SHISA9: variants seen among roughly 807,000 people sequenced by gnomAD.
SHISA9 encodes the protein protein shisa-9.
SHISA9 carries 13 observed loss-of-function variants against 38.0 expected under a neutral mutation model. That is an observed-to-expected ratio of 0.34 (90% CI 0.22 to 0.54). SHISA9 has a LOEUF of 0.54. Ranked by LOEUF, SHISA9 falls within the 20% of genes least tolerant of loss-of-function variation. The pLI, the probability that SHISA9 is intolerant of heterozygous loss-of-function variation, is 0.91. For missense variants in SHISA9, 538 were observed against 575.8 expected, an observed-to-expected ratio of 0.93 and a Z score of 0.67; for synonymous variants, 275 against 242.0, an observed-to-expected ratio of 1.14 and a Z score of -1.27.
At chr16:13,443,140 T>G in the SHISA9 span, among the ~76,000 whole-genome samples, 1 of 152,196 alleles carries the variant, frequency 6.6e-6, no homozygotes, top group Non-Finnish European at 1.5e-5. Flanking sequence ...GAAAGTTCAC[T>G]GGACAAAAGT....
chr16:13,462,313 G>A, the SHISA9 span, among the ~76,000 whole-genome samples: 2 of 152,030 alleles, frequency 1.3e-5, no homozygotes, highest in East Asian at 1.9e-4. Flanking sequence ...TCAGGTTGGA[G>A]AAGGAAGAAA....
At chr16:13,099,616 G>C (rs558873558) in intron 2 of SHISA9, among the ~76,000 whole-genome samples, 1 of 152,270 alleles carries the variant, frequency 6.6e-6, no homozygotes, top group Admixed American at 6.5e-5. Flanking sequence ...TGAGGCAGGA[G>C]TGTGCTCTGT....
At chr16:13,202,679 A>G (rs141771077) in intron 2 of SHISA9, among the ~76,000 whole-genome samples, 59 of 152,270 alleles carry the variant, frequency 3.9e-4, no homozygotes, top group Admixed American at 1.0e-3. Flanking sequence ...TATGTACATC[A>G]TATGTATTAT....
chr16:13,122,053 C>T (rs1029592812), intron 2 of SHISA9, among the ~76,000 whole-genome samples: 1 of 152,170 alleles, frequency 6.6e-6, no homozygotes, highest in African/African-American at 2.4e-5. Context: ...TGTCAGATGT[C>T]ATATTTTTAG....
the SHISA9 span, among the ~76,000 whole-genome samples, chr16:13,268,283 G>A: frequency 6.6e-6 from 1 of 152,160 alleles, no homozygotes; most frequent in Non-Finnish European, 1.5e-5. Context: ...GCCAAGGCGA[G>A]TATATCACTG....
chr16:13,021,164 A>T (rs1187637963), intron 2 of SHISA9, among the ~76,000 whole-genome samples: 2 of 152,152 alleles, frequency 1.3e-5, no homozygotes. Context: ...TCAACCAGGG[A>T]CAATTTTGCC....
intron 2 of SHISA9, among the ~76,000 whole-genome samples, chr16:12,949,112 C>A (rs1033318381): frequency 6.6e-6 from 1 of 152,086 alleles, no homozygotes. Context: ...ATATTTGTAC[C>A]CTTCTCTCCC....
intron 2 of SHISA9, among the ~76,000 whole-genome samples, chr16:12,953,075 C>G (rs890312790): frequency 1.3e-5 from 2 of 150,856 alleles, no homozygotes; most frequent in East Asian, 1.9e-4. Context: ...TAAAGAAGGA[C>G]AAAGGAATAG....
At chr16:13,145,724 G>A (rs566626446) in intron 2 of SHISA9, among the ~76,000 whole-genome samples, 1 of 152,336 alleles carries the variant, frequency 6.6e-6, no homozygotes, top group African/African-American at 2.4e-5. Context: ...GATGGTTGGA[G>A]AGATTAATTG....
chr16:13,012,469 G>A (rs1376205485), intron 2 of SHISA9, among the ~76,000 whole-genome samples: 1 of 152,168 alleles, frequency 6.6e-6, no homozygotes, highest in Admixed American at 6.5e-5. Context: ...CACCCAATGT[G>A]GCCATAGCAC....
chr16:13,245,876 A>G, the SHISA9 span, among the ~76,000 whole-genome samples: 1 of 152,196 alleles, frequency 6.6e-6, no homozygotes, highest in African/African-American at 2.4e-5. Context: ...TCCAAGGTTC[A>G]GGAAGCTCTT....
intron 4 of SHISA9, among the ~76,000 whole-genome samples, chr16:13,233,309 A>AGAAGGAAG (rs34532600): frequency 1.3e-4 from 20 of 151,564 alleles, no homozygotes; most frequent in South Asian, 4.2e-4. Flanking sequence ...AGAGAGAGGA[A>AGAAGGAAG]GAAGGAAGGA....
chr16:13,000,368 AAAC>A, intron 2 of SHISA9, among the ~76,000 whole-genome samples: 1 of 152,306 alleles, frequency 6.6e-6, no homozygotes, highest in South Asian at 2.1e-4. Flanking sequence ...AGGGGAGACT[AAAC>A]AACGACGTGG....
At chr16:13,384,668 G>C in the SHISA9 span, among the ~76,000 whole-genome samples, 4 of 152,178 alleles carry the variant, frequency 2.6e-5, no homozygotes, top group Non-Finnish European at 5.9e-5. Flanking sequence ...TCTGGCAAGA[G>C]CGTTTTCTTC....
At chr16:13,493,821 A>G in the SHISA9 span, among the ~76,000 whole-genome samples, 1 of 152,222 alleles carries the variant, frequency 6.6e-6, no homozygotes, top group Non-Finnish European at 1.5e-5. Flanking sequence ...GAAGGGAAGA[A>G]GACACAGAAG....
the SHISA9 span, among the ~76,000 whole-genome samples, chr16:13,345,787 G>A: frequency 6.6e-6 from 1 of 152,024 alleles, no homozygotes; most frequent in Admixed American, 6.6e-5. Context: ...TTTAATAATA[G>A]CCATTCTGAC....
chr16:13,539,359 A>ATATAT, the SHISA9 span, among the ~76,000 whole-genome samples: 1 of 80,624 alleles, frequency 1.2e-5, no homozygotes, highest in Non-Finnish European at 2.7e-5. Context: ...ATATATATAT[A>ATATAT]AAGACAGGAT....
the SHISA9 span, among the ~76,000 whole-genome samples, chr16:13,527,835 A>G: frequency 6.6e-6 from 1 of 152,194 alleles, no homozygotes; most frequent in African/African-American, 2.4e-5. Context: ...CATATGTAGG[A>G]TATGGGGAAG....
At chr16:13,465,521 A>G in the SHISA9 span, among the ~76,000 whole-genome samples, 1 of 152,220 alleles carries the variant, frequency 6.6e-6, no homozygotes, top group Non-Finnish European at 1.5e-5. Context: ...TGAGAATCAC[A>G]GGATTTGGCA....
Sources: gnomAD v4.1 joint callset for allele counts (sites outside exome capture counted in the v4.1 genomes callset) on GRCh38, gnomAD v4.1.1 for gene constraint, MANE v1.5 for transcripts, NCBI Gene and HGNC (gene_info 2026-07-23, HGNC 2026-07-21) for gene names.